EFCAB11: variants seen among roughly 807,000 people sequenced by gnomAD.
EFCAB11 encodes the protein EF-hand calcium-binding domain-containing protein 11.
A neutral mutation model predicts 23.0 loss-of-function variants in EFCAB11; 14 were observed. The observed-to-expected ratio is 0.61, with a 90% CI of 0.40 to 0.95. The LOEUF (loss-of-function observed/expected upper bound fraction) is 0.95, where lower values mean the gene tolerates loss of function less well. Among genes scored for constraint, EFCAB11 ranks in the 40% least tolerant of loss-of-function variants. The pLI is 0.00. For missense variants in EFCAB11, 198 were observed against 195.8 expected, an observed-to-expected ratio of 1.01 and a Z score of -0.07; for synonymous variants, 65 against 66.6, an observed-to-expected ratio of 0.98 and a Z score of 0.11.
At chr14:89,935,010 A>G (rs779078230) in intron 3 of EFCAB11, among the ~76,000 whole-genome samples, 19 of 152,178 alleles carry the variant, frequency 1.2e-4, no homozygotes, top group Non-Finnish European at 2.4e-4. Flanking sequence ...TATAGAACAC[A>G]CTGCCTGGAA....
At chr14:89,831,344 G>C (rs8017352) in intron 5 of EFCAB11, 61,579 of 152,026 alleles carry the variant, frequency 0.41, 13,746 homozygotes, top group East Asian at 0.72. Context: ...CTCACATTCA[G>C]ATACAGAGTT....
intron 5 of EFCAB11, among the ~76,000 whole-genome samples, chr14:89,910,931 G>C (rs955654178): frequency 1.3e-5 from 2 of 152,158 alleles, no homozygotes; most frequent in Non-Finnish European, 1.5e-5. Flanking sequence ...GAGAACTGGA[G>C]ACAATGTAGT....
chr14:89,797,295 A>G lies in EFCAB11; in HGVS notation c.440T>C (p.Val147Ala). Residue 147 changes from valine to alanine, a missense_variant, in exon 6 of 6, where the codon GTC becomes GCC. By Grantham distance (64) the Val-to-Ala change is moderately conservative (BLOSUM62 0). Coordinates refer to ENST00000316738, the MANE Select transcript of EFCAB11 (RefSeq NM_145231.4). ...GGCATATTCAAAGTCTCTAAAGCTG[A>G]CGTGACCATCTGAATCTCGATCTAC... is the stretch of plus-strand genomic sequence containing the variant. ...REVDRDSDGH[V>A]SFRDFEYALN... The G allele has an allele frequency of 1.2e-6, 2 of 1,613,390 alleles. No individual in the cohort carries two copies. Among genetic ancestry groups the G allele is most frequent in the Non-Finnish European group, 1.7e-6 (2 of 1,179,788 alleles).
intron 5 of EFCAB11, among the ~76,000 whole-genome samples, chr14:89,857,357 C>T (rs147913324): frequency 1.0e-3 from 153 of 152,264 alleles, no homozygotes; most frequent in Middle Eastern, 3.4e-3. Flanking sequence ...CGCACGAAGA[C>T]GGAAAGACTG....
intron 5 of EFCAB11, among the ~76,000 whole-genome samples, chr14:89,869,374 A>C (rs1458009630): frequency 6.6e-6 from 1 of 152,204 alleles, no homozygotes; most frequent in East Asian, 1.9e-4. Context: ...GTCAAATCTC[A>C]GCAATCTCTA....
chr14:89,925,576 T>A (rs1467612133), intron 5 of EFCAB11, among the ~76,000 whole-genome samples: 1 of 152,064 alleles, frequency 6.6e-6, no homozygotes, highest in African/African-American at 2.4e-5. Context: ...TGAAACATCA[T>A]CTTTGATACA....
At chr14:89,924,996 AAACACT>A (rs1272694979) in intron 5 of EFCAB11, among the ~76,000 whole-genome samples, 14 of 152,260 alleles carry the variant, frequency 9.2e-5, no homozygotes, top group South Asian at 4.1e-4. Flanking sequence ...GGATAATCAT[AAACACT>A]GTGTTTTCAT....
rs116056856 is a variant in EFCAB11 at position 89,914,502 on chromosome 14, A to G, written c.410+17039T>C. On this transcript the variant is annotated intron_variant, in intron 5 of 5. Transcript: ENST00000316738. ...TAAGTAATTAAAAGACAGTTATGAA[A>G]GGCTGGGTACAGTGGCTCACGCCTG... is the stretch of plus-strand genomic sequence containing the variant. 5.1e-3 allele frequency among the ~76,000 whole-genome samples: 784 copies of G among 152,304 alleles called. 8 individuals carry two copies. Among genetic ancestry groups the G allele is most frequent in the African/African-American group, 0.018 (756 of 41,562 alleles).
intron 5 of EFCAB11, among the ~76,000 whole-genome samples, chr14:89,890,279 A>G (rs1888922622): frequency 6.6e-6 from 1 of 152,202 alleles, no homozygotes; most frequent in South Asian, 2.1e-4. Context: ...GTTATACGAA[A>G]ATAAATATTT....
chr14:89,848,197 G>A (rs1887494951), intron 5 of EFCAB11, among the ~76,000 whole-genome samples: 1 of 152,134 alleles, frequency 6.6e-6, no homozygotes, highest in Admixed American at 6.5e-5. Flanking sequence ...GGAAACTGAG[G>A]CTTAGAGAAT....
chr14:89,800,809 G>C (rs1460373950), intron 5 of EFCAB11, among the ~76,000 whole-genome samples: 1 of 152,062 alleles, frequency 6.6e-6, no homozygotes, highest in Non-Finnish European at 1.5e-5. Context: ...TTGGGAAGCT[G>C]AGGTGGGTGG....
At chr14:89,821,206 G>A (rs1334762595) in intron 5 of EFCAB11, among the ~76,000 whole-genome samples, 1 of 151,992 alleles carries the variant, frequency 6.6e-6, no homozygotes, top group Non-Finnish European at 1.5e-5. Context: ...AGCAGATTGC[G>A]CTCCATAATG....
intron 5 of EFCAB11, among the ~76,000 whole-genome samples, chr14:89,815,112 C>T (rs1387831679): frequency 6.6e-6 from 1 of 152,086 alleles, no homozygotes; most frequent in Non-Finnish European, 1.5e-5. Flanking sequence ...GAATTAGGGG[C>T]TGAATAAGAC....
intron 5 of EFCAB11, among the ~76,000 whole-genome samples, chr14:89,877,993 T>C (rs1888491293): frequency 6.6e-6 from 1 of 152,242 alleles, no homozygotes; most frequent in South Asian, 2.1e-4. Context: ...TTACCACTTT[T>C]GTTCAATTGC....
intron 5 of EFCAB11, among the ~76,000 whole-genome samples, chr14:89,846,874 A>C (rs1192200900): frequency 6.6e-6 from 1 of 152,198 alleles, no homozygotes; most frequent in Non-Finnish European, 1.5e-5. Context: ...ACGTCAATCC[A>C]GTCATAATTC....
intron 5 of EFCAB11, among the ~76,000 whole-genome samples, chr14:89,863,981 C>G (rs1888008303): frequency 6.6e-6 from 1 of 152,172 alleles, no homozygotes; most frequent in African/African-American, 2.4e-5. Context: ...TAACCAATAA[C>G]CCTTATTTGC....
chr14:89,813,515 GGTTT>G (rs749495714), intron 5 of EFCAB11, among the ~76,000 whole-genome samples: 8 of 152,160 alleles, frequency 5.3e-5, no homozygotes, highest in East Asian at 3.9e-4. Flanking sequence ...ATGGTTGTTT[GGTTT>G]GTTTTTTTGT....
rs754263776 is a variant in EFCAB11 at position 89,950,154 on chromosome 14, G to A, written c.172-12C>T. The A allele has an allele frequency of 4.7e-5, 73 of 1,551,848 alleles. No homozygotes were observed. The Middle Eastern group carries it at 8.7e-4, about 19-fold the overall frequency. On this transcript the variant is annotated splice_polypyrimidine_tract_variant and intron_variant, in intron 2 of 5. Transcript: ENST00000316738. ...GAATCCACTTCTATCTAGAAAAGAG[G>A]AAAAAATAATAGAACATGTAATTTT...
chr14:89,845,979 G>T (rs928075353), intron 5 of EFCAB11, among the ~76,000 whole-genome samples: 4 of 152,118 alleles, frequency 2.6e-5, no homozygotes, highest in Non-Finnish European at 5.9e-5. Context: ...GATGCAAATT[G>T]CCCGGATTTG....
Sources: gnomAD v4.1 joint callset for allele counts (sites outside exome capture counted in the v4.1 genomes callset) on GRCh38, gnomAD v4.1.1 for gene constraint, MANE v1.5 for transcripts, NCBI Gene and HGNC (gene_info 2026-07-23, HGNC 2026-07-21) for gene names.